The following AMPH variants were observed in gnomAD, a reference collection of about 807,000 sequenced individuals.
AMPH encodes amphiphysin, also known as amphiphysin (Stiff-Mann syndrome with breast cancer 128kD autoantigen).
In AMPH, 49 loss-of-function variants were observed where a neutral mutation model predicts 99.1. The observed-to-expected ratio is 0.49, with a 90% CI of 0.39 to 0.63. The LOEUF (loss-of-function observed/expected upper bound fraction) is 0.63, where lower values mean the gene tolerates loss of function less well. AMPH is among the 20% of genes least tolerant of loss of function. AMPH has a pLI of 0.00. For missense variants in AMPH, 759 were observed against 863.4 expected, an observed-to-expected ratio of 0.88 and a Z score of 1.52; for synonymous variants, 314 against 317.3, an observed-to-expected ratio of 0.99 and a Z score of 0.11.
In AMPH at chr7:38,534,973, G is replaced by T; in HGVS notation, c.108C>A (p.Asp36Glu). ...TCTGGACATATTCTTCGAACTGTTC[G>T]TCTTTTGTCTCATCAGCTTTCCCCA... ...QKLGKADETK[D>E]EQFEEYVQNF... Residue 36 changes from aspartate to glutamate, a missense_variant, in exon 2 of 21, where the codon GAC becomes GAA. Asp to Glu is a conservative substitution (Grantham distance 45). Transcript: ENST00000356264. 3 of 1,613,970 alleles carry T rather than the reference G, an allele frequency of 1.9e-6. No individual in the cohort carries two copies. The highest frequency in any genetic ancestry group is 1.7e-6 in the Non-Finnish European group (2 of 1,179,988).
chr7:38,597,180 C>A (rs1192672741), intron 1 of AMPH, among the ~76,000 whole-genome samples: 1 of 152,068 alleles, frequency 6.6e-6, no homozygotes, highest in Non-Finnish European at 1.5e-5. Flanking sequence ...GGTTTTCATA[C>A]AATAAATAAT....
chr7:38,587,027 A>G (rs935117565), intron 1 of AMPH, among the ~76,000 whole-genome samples: 2 of 151,184 alleles, frequency 1.3e-5, no homozygotes, highest in Non-Finnish European at 2.9e-5. Flanking sequence ...ACACACACAC[A>G]CACACACACA....
At chr7:38,534,137 G>A (rs545784461) in intron 2 of AMPH, among the ~76,000 whole-genome samples, 33 of 151,748 alleles carry the variant, frequency 2.2e-4, no homozygotes, top group Non-Finnish European at 4.4e-4. Flanking sequence ...CTATATGTCT[G>A]CTTATCTAAG....
In AMPH at chr7:38,545,615, A is replaced by G. The variant is rs191112805; in HGVS notation, c.70-10604T>C. Among the ~76,000 whole-genome samples the G allele has an allele frequency of 5.3e-5, 8 of 152,306 alleles. No individual in the cohort carries two copies. The South Asian group carries it at 6.2e-4, about 12-fold the overall frequency. On this transcript the variant is annotated intron_variant, in intron 1 of 20. Coordinates refer to ENST00000356264, the MANE Select transcript of AMPH (RefSeq NM_001635.4). ...ATGCCTTTTGGTAATTTGCCTCACA[A>G]ACACATCATAAATGAAGAAAAAGAG...
At chr7:38,626,069 AT>A (rs1794230512) in intron 1 of AMPH, among the ~76,000 whole-genome samples, 1 of 152,346 alleles carries the variant, frequency 6.6e-6, no homozygotes, top group East Asian at 1.9e-4. Flanking sequence ...GTATAAGCAT[AT>A]TTTTGAGAAA....
Position 38,631,288 on chromosome 7 carries a change from C to T in AMPH, c.64G>A (p.Glu22Lys). ...CCCGGCCGCCCGCCGCTGACCTTTT[C>T]CTGCGCGCGGTTGAGTCGCTTCTGG... ...NVQKRLNRAQ[E>K]KVLQKLGKAD... Residue 22 changes from glutamate (E) to lysine (K), a missense_variant, in exon 1 of 21, where the codon GAA (glutamate) becomes AAA (lysine). Transcript: ENST00000356264. 6.5e-7 allele frequency: 1 copy of T among 1,531,942 alleles called. No individual in the cohort carries two copies. 94.9% of individuals were successfully genotyped at this position (1,531,942 alleles called of 1,614,324 possible).
chr7:38,601,059 T>A (rs1793228935), intron 1 of AMPH, among the ~76,000 whole-genome samples: 1 of 152,210 alleles, frequency 6.6e-6, no homozygotes. Context: ...GAGGTCCTTG[T>A]TATCCAGTGG....
intron 1 of AMPH, among the ~76,000 whole-genome samples, chr7:38,587,952 G>GCA (rs1433266495): frequency 7.4e-5 from 11 of 149,578 alleles, no homozygotes; most frequent in Non-Finnish European, 7.4e-5. Context: ...GTGTGTGTGC[G>GCA]CGTGTGTGTG....
chr7:38,533,740 T>G (rs567890627), intron 2 of AMPH, among the ~76,000 whole-genome samples: 3 of 152,156 alleles, frequency 2.0e-5, no homozygotes, highest in Non-Finnish European at 4.4e-5. Flanking sequence ...CATGTCCTTA[T>G]ATTGTTCCCC....
At chr7:38,486,213 AGATAG>A (rs1169938154) in intron 5 of AMPH, among the ~76,000 whole-genome samples, 1 of 151,812 alleles carries the variant, frequency 6.6e-6, no homozygotes, top group Non-Finnish European at 1.5e-5. Context: ...AAACTAAATA[AGATAG>A]AAGACTCACA....
chr7:38,421,079 T>A, intron 16 of AMPH: 1 of 456,550 alleles, frequency 2.2e-6, no homozygotes, highest in Non-Finnish European at 4.4e-6. Context: ...CAAAGCTAAG[T>A]TCCCCATGGA....
intron 11 of AMPH, among the ~76,000 whole-genome samples, chr7:38,440,827 T>C (rs1212754116): frequency 6.6e-6 from 1 of 151,836 alleles, no homozygotes; most frequent in East Asian, 1.9e-4. Flanking sequence ...AAATGTTCAA[T>C]TAATACAAAA....
chr7:38,616,694 G>A (rs138819072), intron 1 of AMPH, among the ~76,000 whole-genome samples: 10 of 152,244 alleles, frequency 6.6e-5, no homozygotes, highest in Non-Finnish European at 1.2e-4. Flanking sequence ...ATGGCAATAC[G>A]GATGAATCTC....
chr7:38,486,592 C>T (rs1041105760), intron 5 of AMPH, among the ~76,000 whole-genome samples: 4 of 151,896 alleles, frequency 2.6e-5, no homozygotes, highest in African/African-American at 9.7e-5. Context: ...TTTTCTAAGT[C>T]CCTGATATCA....
chr7:38,475,741 C>A (rs75293107), intron 6 of AMPH, among the ~76,000 whole-genome samples: 1 of 152,044 alleles, frequency 6.6e-6, no homozygotes, highest in Admixed American at 6.6e-5. Flanking sequence ...AATTCCCAGC[C>A]TAGTGGAAAG....
Position 38,503,702 on chromosome 7 carries a change from T to C in AMPH, c.153A>G (p.Ala51=). ...GTTCTCGCTGAAGTCTGGTACCCTCTGCCTAAAAAACACAAGCACAGATGC... is the reference window on the plus strand; with the variant it reads ...GTTCTCGCTGAAGTCTGGTACCCTCCGCCTAAAAAACACAAGCACAGATGC... ...EYVQNFKRQE[A]EGTRLQRELR... is the part of the protein sequence containing the mutation. Residue 51 remains alanine (A), a splice_region_variant and synonymous_variant, in exon 3 of 21, where the codon GCA becomes GCG. Coordinates refer to ENST00000356264, the MANE Select transcript of AMPH (RefSeq NM_001635.4). 5.6e-6 allele frequency: 9 copies of C among 1,614,032 alleles called. No individual in the cohort carries two copies. Among genetic ancestry groups the C allele is most frequent in the Non-Finnish European group, 7.6e-6 (9 of 1,179,936 alleles).
intron 1 of AMPH, among the ~76,000 whole-genome samples, chr7:38,548,197 T>G (rs957953579): frequency 6.6e-6 from 1 of 151,812 alleles, no homozygotes; most frequent in Non-Finnish European, 1.5e-5. Context: ...CCCGGCTAAT[T>G]TTTTTGTATT....
chr7:38,567,137 C>T (rs1791774706), intron 1 of AMPH, among the ~76,000 whole-genome samples: 1 of 152,144 alleles, frequency 6.6e-6, no homozygotes, highest in African/African-American at 2.4e-5. Flanking sequence ...TTGGAACCAA[C>T]CGAAATGCTC....
At chr7:38,588,887 T>G (rs1361215380) in intron 1 of AMPH, among the ~76,000 whole-genome samples, 1 of 152,136 alleles carries the variant, frequency 6.6e-6, no homozygotes, top group Non-Finnish European at 1.5e-5. Context: ...ATTGAATACT[T>G]AATGGGCATC....
Sources: allele counts gnomAD v4.1 joint callset (sites outside exome capture counted in the v4.1 genomes callset), GRCh38; gene constraint gnomAD v4.1.1; transcripts MANE v1.5; gene names NCBI Gene and HGNC (gene_info 2026-07-23, HGNC 2026-07-21).